The following CTNNA3 variants were observed in gnomAD, a reference collection of about 807,000 sequenced individuals.
CTNNA3 encodes catenin alpha-3.
In CTNNA3, 76 loss-of-function variants were observed where a neutral mutation model predicts 95.7. That is an observed-to-expected ratio of 0.79 (90% CI 0.66 to 0.96). The LOEUF is 0.96. CTNNA3 is among the 40% of genes least tolerant of loss of function. The pLI is 0.00. For synonymous variants in CTNNA3, 431 were observed against 374.4 expected, an observed-to-expected ratio of 1.15 and a Z score of -1.74; for missense variants, 1,191 against 1,089.8, an observed-to-expected ratio of 1.09 and a Z score of -1.31.
At chr10:67,544,266 C>CA (rs1253830139) in intron 3 of CTNNA3, among the ~76,000 whole-genome samples, 3 of 151,978 alleles carry the variant, frequency 2.0e-5, no homozygotes, top group East Asian at 1.9e-4. Flanking sequence ...CTACCTGAAA[C>CA]AAAAAAATAG....
At chr10:66,633,481 C>T (rs558547273) in intron 9 of CTNNA3, among the ~76,000 whole-genome samples, 1 of 152,188 alleles carries the variant, frequency 6.6e-6, no homozygotes, top group Admixed American at 6.5e-5. Context: ...GAGATCAAGA[C>T]CATCCTGGCT....
chr10:67,401,078 T>C (rs1391857007), intron 5 of CTNNA3, among the ~76,000 whole-genome samples: 1 of 152,068 alleles, frequency 6.6e-6, no homozygotes, highest in Non-Finnish European at 1.5e-5. Context: ...AGTGATCACA[T>C]TAAAATAAAT....
intron 7 of CTNNA3, among the ~76,000 whole-genome samples, chr10:66,941,574 G>GA (rs1401370560): frequency 2.0e-5 from 3 of 151,718 alleles, no homozygotes; most frequent in Admixed American, 1.3e-4. Flanking sequence ...TAAGTGATCT[G>GA]AAAAAAAATC....
At chr10:67,553,800 T>A (rs1167892257) in intron 3 of CTNNA3, among the ~76,000 whole-genome samples, 1 of 152,142 alleles carries the variant, frequency 6.6e-6, no homozygotes. Flanking sequence ...AGGGTACATG[T>A]GCATAATGTG....
intron 10 of CTNNA3, among the ~76,000 whole-genome samples, chr10:66,543,456 A>G (rs1180581082): frequency 1.3e-5 from 2 of 152,108 alleles, no homozygotes. Context: ...ATTTAATAAC[A>G]TGGAAAGGGG....
At chr10:65,948,426 A>T (rs1030956562) in intron 17 of CTNNA3, among the ~76,000 whole-genome samples, 1 of 152,120 alleles carries the variant, frequency 6.6e-6, no homozygotes, top group Non-Finnish European at 1.5e-5. Flanking sequence ...AAAACACTGA[A>T]TGTTGCTAGA....
At chr10:65,947,095 T>G (rs80186635) in intron 17 of CTNNA3, among the ~76,000 whole-genome samples, 32,306 of 151,110 alleles carry the variant, frequency 0.21, 3,703 homozygotes, top group Admixed American at 0.26. Flanking sequence ...TGTTTGTTTT[T>G]TTTTTTTTTG....
intron 7 of CTNNA3, among the ~76,000 whole-genome samples, chr10:66,881,241 G>T (rs1589372254): frequency 6.6e-6 from 1 of 152,112 alleles, no homozygotes; most frequent in Non-Finnish European, 1.5e-5. Context: ...TAATGCACTG[G>T]TGTTCACACA....
At chr10:67,049,378 T>G (rs997339819) in intron 7 of CTNNA3, among the ~76,000 whole-genome samples, 1 of 152,162 alleles carries the variant, frequency 6.6e-6, no homozygotes, top group South Asian at 2.1e-4. Flanking sequence ...AAGCAGTTAT[T>G]TATGAACTAC....
intron 13 of CTNNA3, among the ~76,000 whole-genome samples, chr10:66,241,320 T>G (rs1016587479): frequency 2.6e-5 from 4 of 152,196 alleles, no homozygotes; most frequent in South Asian, 2.1e-4. Context: ...TTTCTATATT[T>G]TTTCTAACAA....
chr10:66,468,410 C>A (rs936190927), intron 11 of CTNNA3, among the ~76,000 whole-genome samples: 1 of 151,794 alleles, frequency 6.6e-6, no homozygotes, highest in African/African-American at 2.4e-5. Flanking sequence ...GTTATTTAGA[C>A]AGATTTTTTA....
intron 7 of CTNNA3, among the ~76,000 whole-genome samples, chr10:66,895,054 C>CAAAAAAAAAAAA (rs537843933): frequency 5.2e-5 from 6 of 115,576 alleles, no homozygotes; most frequent in African/African-American, 1.3e-4. Flanking sequence ...AACAAATAAA[C>CAAAAAAAAAAAA]AAAAAAAAAA....
chr10:67,026,268 G>C (rs1037027923), intron 7 of CTNNA3, among the ~76,000 whole-genome samples: 1 of 150,094 alleles, frequency 6.7e-6, no homozygotes, highest in African/African-American at 2.5e-5. Context: ...TAATAATTAA[G>C]AAAAAAAAGA....
intron 1 of CTNNA3, among the ~76,000 whole-genome samples, chr10:67,701,239 G>T (rs554189192): frequency 6.6e-6 from 1 of 152,178 alleles, no homozygotes; most frequent in African/African-American, 2.4e-5. Context: ...AATCTAGCAA[G>T]GCAGGCCAAC....
chr10:67,517,688 C>T (rs1271648722), intron 5 of CTNNA3, among the ~76,000 whole-genome samples: 2 of 152,106 alleles, frequency 1.3e-5, no homozygotes, highest in Admixed American at 6.5e-5. Context: ...AGTACAAGTC[C>T]TCAGTACTTT....
intron 5 of CTNNA3, among the ~76,000 whole-genome samples, chr10:67,222,119 A>T (rs1176542033): frequency 6.6e-6 from 1 of 152,166 alleles, no homozygotes; most frequent in Non-Finnish European, 1.5e-5. Flanking sequence ...GAGGTTAATA[A>T]ATGGCTTGTG....
At chr10:66,029,749 C>G (rs1291543323) in intron 15 of CTNNA3, among the ~76,000 whole-genome samples, 1 of 152,136 alleles carries the variant, frequency 6.6e-6, no homozygotes, top group Non-Finnish European at 1.5e-5. Flanking sequence ...ATTCCATGAG[C>G]TTGGAACAGT....
intron 7 of CTNNA3, among the ~76,000 whole-genome samples, chr10:66,906,083 T>A (rs767228737): frequency 6.6e-6 from 1 of 152,184 alleles, no homozygotes; most frequent in African/African-American, 2.4e-5. Context: ...CAATCTCTGT[T>A]GAACAAATAG....
intron 1 of CTNNA3, among the ~76,000 whole-genome samples, chr10:67,725,813 C>T (rs1376968939): frequency 6.7e-6 from 1 of 149,880 alleles, no homozygotes; most frequent in Non-Finnish European, 1.5e-5. Flanking sequence ...CCCTTATTCG[C>T]CAAAATCTTG....
Sources: allele counts gnomAD v4.1 joint callset (sites outside exome capture counted in the v4.1 genomes callset), GRCh38; gene constraint gnomAD v4.1.1; transcripts MANE v1.5; gene names NCBI Gene and HGNC (gene_info 2026-07-23, HGNC 2026-07-21).